Variants in SLC24A2 observed in about 807,000 individuals in gnomAD.
SLC24A2 encodes sodium/potassium/calcium exchanger 2.
Under a neutral mutation model 62.0 loss-of-function variants are expected in SLC24A2, and 36 were observed. That is an observed-to-expected ratio of 0.58 (90% confidence interval 0.44 to 0.77). The LOEUF (loss-of-function observed/expected upper bound fraction) is 0.77, where lower values mean the gene tolerates loss of function less well. SLC24A2 is among the 30% of genes least tolerant of loss of function. The pLI is 0.00. For synonymous variants in SLC24A2, 358 were observed against 294.0 expected (o/e 1.22, Z -2.23); for missense variants, 846 against 817.9 (o/e 1.03, Z -0.42).
intron 8 of SLC24A2, among the ~76,000 whole-genome samples, chr9:19,541,786 CG>C (rs1179342827): frequency 6.7e-6 from 1 of 148,780 alleles, no homozygotes; most frequent in Non-Finnish European, 1.5e-5. Flanking sequence ...TGGGCAATGG[CG>C]GGCGCCCCTC....
the SLC24A2 span, among the ~76,000 whole-genome samples, chr9:20,210,523 G>C: frequency 3.9e-5 from 6 of 151,924 alleles, no homozygotes; most frequent in Non-Finnish European, 5.9e-5. Flanking sequence ...GCCCAGGCTG[G>C]AGTGTAGTGG....
chr9:20,023,366 A>G, the SLC24A2 span, among the ~76,000 whole-genome samples: 1 of 152,232 alleles, frequency 6.6e-6, no homozygotes, highest in East Asian at 1.9e-4. Flanking sequence ...AGGGAACTCC[A>G]TAGTGCAGTG....
At chr9:20,069,437 A>C in the SLC24A2 span, among the ~76,000 whole-genome samples, 1 of 152,256 alleles carries the variant, frequency 6.6e-6, no homozygotes, top group Non-Finnish European at 1.5e-5. Context: ...AACTATAAAC[A>C]TGCAAACAGA....
At chr9:19,803,921 T>C in the SLC24A2 span, among the ~76,000 whole-genome samples, 1 of 152,206 alleles carries the variant, frequency 6.6e-6, no homozygotes, top group Admixed American at 6.5e-5. Context: ...CTTTTAAAAA[T>C]ATACATTTCT....
At chr9:19,555,431 A>G (rs1377824610) in intron 7 of SLC24A2, among the ~76,000 whole-genome samples, 4 of 152,204 alleles carry the variant, frequency 2.6e-5, no homozygotes, top group Non-Finnish European at 4.4e-5. Flanking sequence ...GTACCCAACA[A>G]TGACAGTGGT....
intron 5 of SLC24A2, among the ~76,000 whole-genome samples, chr9:19,596,512 T>A (rs1451696373): frequency 6.6e-6 from 1 of 152,212 alleles, no homozygotes; most frequent in African/African-American, 2.4e-5. Context: ...CAAACCTACA[T>A]CAGAAAAGAG....
the SLC24A2 span, among the ~76,000 whole-genome samples, chr9:20,190,674 C>A: frequency 2.0e-5 from 3 of 152,220 alleles, no homozygotes; most frequent in Non-Finnish European, 4.4e-5. Context: ...GTCTGTTGGA[C>A]TCCAAACCTG....
chr9:20,171,484 T>A, the SLC24A2 span, among the ~76,000 whole-genome samples: 1 of 151,818 alleles, frequency 6.6e-6, no homozygotes, highest in Non-Finnish European at 1.5e-5. Flanking sequence ...ACCGAACACA[T>A]AAGGACTCAC....
chr9:19,569,348 A>T (rs974681534), intron 7 of SLC24A2, among the ~76,000 whole-genome samples: 1 of 152,134 alleles, frequency 6.6e-6, no homozygotes, highest in Admixed American at 6.5e-5. Context: ...TTTGTCTAGT[A>T]ATTTTCTATT....
chr9:19,913,458 G>C, the SLC24A2 span, among the ~76,000 whole-genome samples: 3 of 152,050 alleles, frequency 2.0e-5, no homozygotes, highest in Admixed American at 1.3e-4. Context: ...CCATCTGTAA[G>C]GTGATTTAGG....
intron 2 of SLC24A2, among the ~76,000 whole-genome samples, chr9:19,770,765 T>C (rs1459983024): frequency 1.3e-5 from 2 of 152,206 alleles, no homozygotes. Context: ...AGTAAGATCC[T>C]CAGAAAGATA....
chr9:20,116,650 T>C, the SLC24A2 span, among the ~76,000 whole-genome samples: 3 of 152,162 alleles, frequency 2.0e-5, no homozygotes, highest in Non-Finnish European at 4.4e-5. Flanking sequence ...CTAGGATGTA[T>C]TAATATTCCC....
the SLC24A2 span, among the ~76,000 whole-genome samples, chr9:20,055,871 A>T: frequency 2.0e-5 from 3 of 152,194 alleles, no homozygotes; most frequent in Non-Finnish European, 4.4e-5. Context: ...CCTGGGTGAC[A>T]GAGTGAGACT....
the SLC24A2 span, among the ~76,000 whole-genome samples, chr9:20,159,863 T>G: frequency 4.0e-5 from 6 of 151,602 alleles, no homozygotes; most frequent in African/African-American, 1.4e-4. Context: ...TACAAAGAAG[T>G]CATGCCATCT....
intron 2 of SLC24A2, among the ~76,000 whole-genome samples, chr9:19,674,945 T>C (rs1819520774): frequency 6.6e-6 from 1 of 152,192 alleles, no homozygotes; most frequent in Admixed American, 6.5e-5. Flanking sequence ...TTTGTCATAT[T>C]ACCAGGATTG....
At chr9:20,130,038 G>T in the SLC24A2 span, among the ~76,000 whole-genome samples, 1 of 151,838 alleles carries the variant, frequency 6.6e-6, no homozygotes, top group Non-Finnish European at 1.5e-5. Context: ...GCTATTTAGA[G>T]AGTCTTTCCC....
At chr9:20,160,195 A>G in the SLC24A2 span, among the ~76,000 whole-genome samples, 1 of 151,518 alleles carries the variant, frequency 6.6e-6, no homozygotes, top group African/African-American at 2.4e-5. Flanking sequence ...TAAAGGAAGC[A>G]GAAAATACTT....
At chr9:20,244,159 C>G in the SLC24A2 span, among the ~76,000 whole-genome samples, 1 of 151,988 alleles carries the variant, frequency 6.6e-6, no homozygotes, top group Non-Finnish European at 1.5e-5. Context: ...GCAGACCATC[C>G]AAGGTAGTTT....
chr9:19,566,703 A>T (rs1835665900), intron 7 of SLC24A2, among the ~76,000 whole-genome samples: 1 of 152,212 alleles, frequency 6.6e-6, no homozygotes, highest in Non-Finnish European at 1.5e-5. Flanking sequence ...AAGACTTGAA[A>T]CCAACCCAAA....
Sources: allele counts gnomAD v4.1 joint callset (sites outside exome capture counted in the v4.1 genomes callset), GRCh38; gene constraint gnomAD v4.1.1; transcripts MANE v1.5; gene names NCBI Gene and HGNC (gene_info 2026-07-23, HGNC 2026-07-21).